The following CFAP299 variants were observed in gnomAD, a reference collection of about 807,000 sequenced individuals.
The protein encoded by CFAP299 is cilia and flagella associated protein 299, also known as cilia- and flagella-associated protein 299.
CFAP299 carries 21 observed loss-of-function variants against 27.0 expected under a neutral mutation model. The ratio of observed to expected loss-of-function variants is 0.78; its 90% confidence interval spans 0.55 to 1.12. The LOEUF (loss-of-function observed/expected upper bound fraction) is 1.12. Among genes scored for constraint, CFAP299 ranks in the 50% most tolerant of loss-of-function variants. CFAP299 has a pLI of 0.00. For missense variants in CFAP299, 310 were observed against 276.6 expected, an observed-to-expected ratio of 1.12 and a Z score of -0.86; for synonymous variants, 104 against 98.1, an observed-to-expected ratio of 1.06 and a Z score of -0.36.
rs1320188049 is a variant in CFAP299 at position 80,849,180 on chromosome 4, T to A, written c.334-20813T>A. Among the ~76,000 whole-genome samples the A allele has an allele frequency of 2.6e-5, 4 of 152,254 alleles. No individual in the cohort carries two copies. In the East Asian group the frequency reaches 7.7e-4, roughly 29 times the overall value. ...AAACTTTTTCTTTTTTAAAATTTTTTATTATTTTTTCTTTACTTTTTAAAC... is the reference window on the plus strand; with the variant it reads ...AAACTTTTTCTTTTTTAAAATTTTTAATTATTTTTTCTTTACTTTTTAAAC... On this transcript the variant is annotated intron_variant, in intron 3 of 5. Coordinates refer to ENST00000358105, the MANE Select transcript of CFAP299 (RefSeq NM_152770.3).
chr4:80,732,981 T>A (rs974442697), intron 3 of CFAP299, among the ~76,000 whole-genome samples: 1 of 152,164 alleles, frequency 6.6e-6, no homozygotes, highest in African/African-American at 2.4e-5. Flanking sequence ...CATGTGTTAT[T>A]ACTAAATCAG....
chr4:80,366,893 G>A lies in CFAP299; in HGVS notation c.242+4009G>A, dbSNP rs576212428. Among the ~76,000 whole-genome samples, 34 of 152,194 alleles carry A rather than the reference G, an allele frequency of 2.2e-4. 1 individual carries two copies. The South Asian group carries it at 6.8e-3, about 31-fold the overall frequency. On this transcript the variant is annotated intron_variant, in intron 2 of 5. Coordinates refer to ENST00000358105, the MANE Select transcript of CFAP299 (RefSeq NM_152770.3). Reference sequence around the variant, plus strand: ...CAGTCATCAAAAGGTATAAAGTAGTGTTACATGCAACAACATGAAAAACCT... The same window carrying A: ...CAGTCATCAAAAGGTATAAAGTAGTATTACATGCAACAACATGAAAAACCT...
chr4:80,601,114 CT>C (rs1737324902), intron 3 of CFAP299, among the ~76,000 whole-genome samples: 1 of 152,098 alleles, frequency 6.6e-6, no homozygotes, highest in South Asian at 2.1e-4. Context: ...TAGGAAAAAA[CT>C]TTAAAAGTTT....
At chr4:80,423,930 C>T (rs1405715593) in intron 2 of CFAP299, among the ~76,000 whole-genome samples, 1 of 152,180 alleles carries the variant, frequency 6.6e-6, no homozygotes, top group East Asian at 1.9e-4. Flanking sequence ...GACAGAGGAT[C>T]TTTCACTGCT....
chr4:80,505,706 G>C (rs938922520), intron 2 of CFAP299, among the ~76,000 whole-genome samples: 2 of 152,088 alleles, frequency 1.3e-5, no homozygotes, highest in Admixed American at 1.3e-4. Context: ...GAGACTTTAT[G>C]CAAAGGGTTG....
chr4:80,740,738 C>T (rs530734698), intron 3 of CFAP299, among the ~76,000 whole-genome samples: 4 of 152,292 alleles, frequency 2.6e-5, no homozygotes, highest in East Asian at 1.9e-4. Context: ...GGCATACAAA[C>T]GACAATGCAA....
intron 3 of CFAP299, among the ~76,000 whole-genome samples, chr4:80,590,210 A>C (rs981844968): frequency 1.3e-5 from 2 of 152,146 alleles, no homozygotes; most frequent in Non-Finnish European, 2.9e-5. Flanking sequence ...ACAAAATGAC[A>C]CTCCGTCACT....
chr4:80,387,780 A>G, intron 2 of CFAP299: 1 of 1,587,208 alleles, frequency 6.3e-7, no homozygotes, highest in Non-Finnish European at 8.6e-7. Context: ...ATGACTTGTC[A>G]CAGTATGGGC....
At chr4:80,717,402 C>T (rs1722552639) in intron 3 of CFAP299, among the ~76,000 whole-genome samples, 2 of 152,120 alleles carry the variant, frequency 1.3e-5, no homozygotes, top group African/African-American at 4.8e-5. Context: ...TCTCCCATGA[C>T]ATTTGAGATA....
At chr4:80,651,290 ACTCTCTCT>A (rs33983931) in intron 3 of CFAP299, among the ~76,000 whole-genome samples, 5 of 138,320 alleles carry the variant, frequency 3.6e-5, no homozygotes, top group East Asian at 2.1e-4. Context: ...TCTCTCTCTT[ACTCTCTCT>A]CTCTTTCTTT....
At chr4:80,800,863 G>A (rs574906066) in intron 3 of CFAP299, among the ~76,000 whole-genome samples, 2 of 148,024 alleles carry the variant, frequency 1.4e-5, no homozygotes, top group African/African-American at 5.0e-5. Context: ...CAAGCTGAGA[G>A]CTGAGGAGCA....
rs370140063 is a variant in CFAP299, at chr4:80,585,938, T to G, written c.333+2755T>G. On this transcript the variant is annotated intron_variant, in intron 3 of 5. Transcript: ENST00000358105. ...TGTTTTTATGTAAGAAATAGTGATT[T>G]GTAGGATTCAGTGGAGAGTGAGCAG... is the stretch of plus-strand genomic sequence containing the variant. 2.6e-5 allele frequency among the ~76,000 whole-genome samples: 4 copies of G among 152,162 alleles called. No homozygotes were observed. In the East Asian group the frequency reaches 7.7e-4, roughly 29 times the overall value.
rs149209230 is a variant in CFAP299 at position 80,704,022 on chromosome 4, C to G, written c.333+120839C>G. Among the ~76,000 whole-genome samples, 170 of 151,536 alleles carry G rather than the reference C, an allele frequency of 1.1e-3. 1 individual carries two copies. Among genetic ancestry groups the G allele is most frequent in the Admixed American group, 1.8e-3 (28 of 15,170 alleles). On this transcript the variant is annotated intron_variant, in intron 3 of 5. Coordinates refer to ENST00000358105, the MANE Select transcript of CFAP299 (RefSeq NM_152770.3). ...GTTTTATTTTTTGCCTTTATGGATA[C>G]GTAGAATTTTGCTTTAGACTAAGAA...
intron 3 of CFAP299, among the ~76,000 whole-genome samples, chr4:80,818,704 G>C (rs1729547871): frequency 6.6e-6 from 1 of 152,066 alleles, no homozygotes; most frequent in Non-Finnish European, 1.5e-5. Flanking sequence ...AGATCAAAGA[G>C]AGCTACCAAA....
chr4:80,436,033 G>A (rs571520829), intron 2 of CFAP299, among the ~76,000 whole-genome samples: 4 of 152,290 alleles, frequency 2.6e-5, no homozygotes, highest in African/African-American at 9.6e-5. Context: ...CCTCTCTGTG[G>A]AGGTGACAAA....
At chr4:80,800,349 T>TATATATGATATATTAATATAATATATATA in intron 3 of CFAP299, among the ~76,000 whole-genome samples, 1 of 73,656 alleles carries the variant, frequency 1.4e-5, no homozygotes, top group South Asian at 4.2e-4. Context: ...TAATATATAA[T>TATATATGATATATTAATATAATATATATA]ATATATGATA....
chr4:80,720,316 A>G (rs1287125778), intron 3 of CFAP299, among the ~76,000 whole-genome samples: 3 of 152,186 alleles, frequency 2.0e-5, no homozygotes, highest in African/African-American at 7.2e-5. Flanking sequence ...AGGGTCACCA[A>G]CTAGATTGAA....
intron 2 of CFAP299, among the ~76,000 whole-genome samples, chr4:80,539,404 A>G (rs1733896996): frequency 6.6e-6 from 1 of 152,178 alleles, no homozygotes; most frequent in African/African-American, 2.4e-5. Flanking sequence ...AAGGGACAGC[A>G]TGGCCCAGAG....
At chr4:80,662,300 C>G (rs1017802740) in intron 3 of CFAP299, among the ~76,000 whole-genome samples, 1 of 151,976 alleles carries the variant, frequency 6.6e-6, no homozygotes, top group African/African-American at 2.4e-5. Context: ...CCTGGACACC[C>G]AGCTTTAAAA....
Sources: gnomAD v4.1 joint callset for allele counts (sites outside exome capture counted in the v4.1 genomes callset) on GRCh38, gnomAD v4.1.1 for gene constraint, MANE v1.5 for transcripts, NCBI Gene and HGNC (gene_info 2026-07-23, HGNC 2026-07-21) for gene names.